SLC9B1: variants seen among roughly 807,000 people sequenced by gnomAD.
The protein encoded by SLC9B1 is solute carrier family 9 member B1, also known as sodium/hydrogen exchanger 9B1.
SLC9B1 carries 32 observed loss-of-function variants against 51.7 expected under a neutral mutation model. That is an observed-to-expected ratio of 0.62 (90% CI 0.47 to 0.83). SLC9B1 has a LOEUF of 0.83. Among genes scored for constraint, SLC9B1 ranks in the 40% least tolerant of loss-of-function variants. The pLI, the probability that SLC9B1 is intolerant of heterozygous loss-of-function variation, is 0.00. For missense variants in SLC9B1, 406 were observed against 613.2 expected, an observed-to-expected ratio of 0.66 and a Z score of 3.57; for synonymous variants, 145 against 212.7, an observed-to-expected ratio of 0.68 and a Z score of 2.77.
intron 11 of SLC9B1, among the ~76,000 whole-genome samples, chr4:102,894,186 G>A (rs1461625087): frequency 1.3e-5 from 2 of 152,180 alleles, no homozygotes; most frequent in African/African-American, 4.8e-5. Context: ...GAAGATTCTT[G>A]AGTAAAATAG....
intron 3 of SLC9B1, among the ~76,000 whole-genome samples, chr4:102,980,525 A>G (rs554653933): frequency 6.6e-6 from 1 of 152,222 alleles, no homozygotes; most frequent in South Asian, 2.1e-4. Flanking sequence ...TTTCACTTAT[A>G]TGTGGGAGCT....
chr4:102,993,357 A>G (rs1016963071), intron 1 of SLC9B1, among the ~76,000 whole-genome samples: 2 of 152,250 alleles, frequency 1.3e-5, no homozygotes, highest in Admixed American at 1.3e-4. Context: ...TAGGGCAATC[A>G]GTAAACCTTA....
chr4:102,945,072 A>T (rs1737201898), intron 6 of SLC9B1, 121 bp downstream of exon 6: 1 of 1,173,166 alleles, frequency 8.5e-7, no homozygotes, highest in African/African-American at 1.5e-5. Flanking sequence ...CTTTCCAAGG[A>T]TTTTAACACT....
chr4:102,960,905 T>C (rs1738077931), intron 3 of SLC9B1, among the ~76,000 whole-genome samples: 1 of 152,060 alleles, frequency 6.6e-6, no homozygotes, highest in Non-Finnish European at 1.5e-5. Flanking sequence ...GCTAATTTGG[T>C]ATTTTTAGTA....
intron 11 of SLC9B1, among the ~76,000 whole-genome samples, chr4:102,895,015 G>C (rs950275058): frequency 9.2e-5 from 14 of 151,972 alleles, no homozygotes; most frequent in African/African-American, 2.2e-4. Flanking sequence ...AATCACAAAA[G>C]CATTTTAAAA....
At chr4:102,885,196 T>C in exon 12 of SLC9B1, 1 of 1,594,928 alleles carries the variant, frequency 6.3e-7, no homozygotes, top group Non-Finnish European at 8.6e-7. Context: ...CTGCAGATTC[T>C]GACACATCTA....
In SLC9B1 at chr4:103,017,821, C is replaced by A. The variant is rs190282829; in HGVS notation, c.-2+1778G>T. 4.1e-3 allele frequency among the ~76,000 whole-genome samples: 630 copies of A among 152,336 alleles called. 3 individuals are homozygous for A. The highest frequency in any genetic ancestry group is 7.2e-3 in the Non-Finnish European group (490 of 68,022). ...TCATAAGAACAGCGATCTTGCTAGT[C>A]TTTCTTACCATTGTATTCACAATGC... On this transcript the variant is annotated intron_variant, in intron 1 of 11. Coordinates refer to ENST00000296422, the MANE Select transcript of SLC9B1 (RefSeq NM_139173.4).
downstream of SLC9B1, among the ~76,000 whole-genome samples, chr4:102,899,182 C>T (rs1362578679): frequency 1.3e-5 from 2 of 150,686 alleles, no homozygotes; most frequent in Non-Finnish European, 3.0e-5. Context: ...TGCCACACCA[C>T]CTTAAAAGGG....
At chr4:103,012,825 A>T (rs913826011) in intron 1 of SLC9B1, among the ~76,000 whole-genome samples, 1 of 152,186 alleles carries the variant, frequency 6.6e-6, no homozygotes, top group Non-Finnish European at 1.5e-5. Flanking sequence ...TTGTGTCCTC[A>T]CATGGTGGAA....
At chr4:102,937,250 G>A (rs1229738817) in intron 6 of SLC9B1, among the ~76,000 whole-genome samples, 3 of 151,086 alleles carry the variant, frequency 2.0e-5, no homozygotes, top group Non-Finnish European at 4.4e-5. Context: ...CTACAGGTGC[G>A]CACCACAACA....
At chr4:102,994,327 C>A (rs1211785647) in intron 1 of SLC9B1, among the ~76,000 whole-genome samples, 1 of 152,166 alleles carries the variant, frequency 6.6e-6, no homozygotes, top group Admixed American at 6.5e-5. Context: ...AGTCTCTTTG[C>A]TAAAGCATAG....
downstream of SLC9B1, among the ~76,000 whole-genome samples, chr4:102,899,039 A>G (rs1734668205): frequency 6.6e-6 from 1 of 151,888 alleles, no homozygotes; most frequent in African/African-American, 2.4e-5. Context: ...GCCCAGCCTT[A>G]TTTGTTTAAA....
intron 7 of SLC9B1, among the ~76,000 whole-genome samples, chr4:102,924,574 G>C (rs13137864): frequency 6.6e-6 from 1 of 152,002 alleles, no homozygotes; most frequent in South Asian, 2.1e-4. Flanking sequence ...AATTAAACTA[G>C]AGAGCTTCTG....
chr4:103,019,704 G>T lies in SLC9B1; in HGVS notation c.-107C>A. 8.1e-6 allele frequency: 8 copies of T among 985,526 alleles called. No individual in the cohort carries two copies. The highest frequency in any genetic ancestry group is 9.6e-6 in the Non-Finnish European group (8 of 829,974). 61.0% of individuals were successfully genotyped at this position (985,526 alleles called of 1,614,324 possible). ...AGGTGGGCAGGGTGGTGACGCGAAA[G>T]CCCGGATAGACTTCCGCGCAGGGGC... On this transcript the variant is annotated 5_prime_UTR_variant, in exon 1 of 12. Coordinates refer to ENST00000296422, the MANE Select transcript of SLC9B1 (RefSeq NM_139173.4).
intron 1 of SLC9B1, chr4:103,014,902 T>C (rs2110545808): frequency 6.6e-6 from 1 of 152,276 alleles, no homozygotes. Flanking sequence ...CCTTAACCTC[T>C]CTGAGTCTCA....
chr4:102,895,078 CA>C (rs1255576545), intron 11 of SLC9B1, among the ~76,000 whole-genome samples: 3 of 151,066 alleles, frequency 2.0e-5, no homozygotes, highest in East Asian at 1.9e-4. Context: ...AAAATTGTTC[CA>C]AAAAAAAGAC....
chr4:102,939,141 A>C (rs1207925663), intron 6 of SLC9B1, among the ~76,000 whole-genome samples: 2 of 151,308 alleles, frequency 1.3e-5, no homozygotes, highest in African/African-American at 4.9e-5. Flanking sequence ...TAGACCAATA[A>C]GGAAAAAAAA....
chr4:102,969,833 A>G (rs185618862), intron 3 of SLC9B1, among the ~76,000 whole-genome samples: 359 of 152,352 alleles, frequency 2.4e-3, no homozygotes, highest in Middle Eastern at 6.8e-3. Flanking sequence ...TGAGAACTAC[A>G]TGACGCATAC....
chr4:102,976,150 T>C (rs1401395359), intron 3 of SLC9B1, among the ~76,000 whole-genome samples: 1 of 152,220 alleles, frequency 6.6e-6, no homozygotes, highest in East Asian at 1.9e-4. Context: ...TGGAAAGATC[T>C]TGAATACGAT....
Sources: gnomAD v4.1 joint callset for allele counts (sites outside exome capture counted in the v4.1 genomes callset) on GRCh38, gnomAD v4.1.1 for gene constraint, MANE v1.5 for transcripts, NCBI Gene and HGNC (gene_info 2026-07-23, HGNC 2026-07-21) for gene names.